ECEL1: variants seen among roughly 807,000 people sequenced by gnomAD.
The protein encoded by ECEL1 is endothelin converting enzyme like 1, also known as endothelin-converting enzyme-like 1.
ECEL1 carries 87 observed loss-of-function variants against 101.8 expected under a neutral mutation model. The ratio of observed to expected loss-of-function variants is 0.85; its 90% CI spans 0.72 to 1.02. ECEL1 has a LOEUF of 1.02. Among genes scored for constraint, ECEL1 ranks in the 50% least tolerant of loss-of-function variants. The pLI is 0.00. For missense variants in ECEL1, 1,032 were observed against 1,079.2 expected (o/e 0.96, Z 0.61); for synonymous variants, 487 against 468.7 (o/e 1.04, Z -0.50).
In ECEL1 at chr2:232,484,121, C is replaced by T. The variant is rs1487142861; in HGVS notation, c.1287G>A (p.Glu429=). The T allele has an allele frequency of 1.9e-6, 3 of 1,613,718 alleles. No individual in the cohort carries two copies. Among genetic ancestry groups the T allele is most frequent in the Admixed American group, 3.3e-5 (2 of 60,036 alleles). ...CCAGCTCCTGTGGCTTGTCGCTGCCCTCCATCTCCTGTGCCAGCTCGTGCA... is the reference window on the plus strand; with the variant it reads ...CCAGCTCCTGTGGCTTGTCGCTGCCTTCCATCTCCTGTGCCAGCTCGTGCA... ...EALHELAQEM[E]GSDKPQELAR... The change falls in exon 7 of 18, where the codon GAG becomes GAA. Residue 429 remains glutamate, a synonymous_variant. Transcript: ENST00000304546.
chr2:232,487,182 C>T (rs1559278203), intron 1 of ECEL1, among the ~76,000 whole-genome samples: 1 of 152,204 alleles, frequency 6.6e-6, no homozygotes, highest in Admixed American at 6.5e-5. Flanking sequence ...CAGCTCTCCG[C>T]GCTGGACCCA....
At chr2:232,484,350 G>A in intron 6 of ECEL1, 122 bp downstream of exon 6, 1 of 1,564,998 alleles carries the variant, frequency 6.4e-7, no homozygotes, top group Non-Finnish European at 8.7e-7. Flanking sequence ...ACAAAGAAGG[G>A]ACAGGGGGTC....
rs759003940 is a variant in ECEL1 at position 232,484,100 on chromosome 2, C to G, written c.1308G>C (p.Glu436Asp). 1 of 1,613,830 alleles carries G rather than the reference C, an allele frequency of 6.2e-7. No individual in the cohort carries two copies. The highest frequency in any genetic ancestry group is 8.5e-7 in the Non-Finnish European group (1 of 1,180,006). The change falls in exon 7 of 18, where the codon GAG (glutamate) becomes GAC (aspartate). Residue 436 changes from glutamate (E) to aspartate (D), a missense_variant. Transcript: ENST00000304546. Reference sequence around the variant, plus strand: ...CCTGGCCCAAGCAGACCCGGGCCAGCTCCTGTGGCTTGTCGCTGCCCTCCA... The same window carrying G: ...CCTGGCCCAAGCAGACCCGGGCCAGGTCCTGTGGCTTGTCGCTGCCCTCCA... ...QEMEGSDKPQ[E>D]LARVCLGQAN...
chr2:232,485,351 A>G (rs745330087), intron 2 of ECEL1, 84 bp from the exon 3 acceptor site: 11 of 1,465,874 alleles, frequency 7.5e-6, no homozygotes, highest in Non-Finnish European at 1.0e-5. Context: ...CAATGCCCAG[A>G]GAGCAACCAG....
rs766816497 is a variant in ECEL1 at position 232,486,306 on chromosome 2, C to T, written c.348G>A (p.Leu116=). The T allele has an allele frequency of 1.4e-5, 22 of 1,587,788 alleles. No individual in the cohort carries two copies. Among genetic ancestry groups the T allele is most frequent in the Non-Finnish European group, 1.9e-5 (22 of 1,174,050 alleles). ...CCTGGCATGGGTCGATGCTGGCGTC[C>T]AGGTTGGCGGCCAGGAAGCGAGCGG... ...ARAARFLAAN[L]DASIDPCQDF... The change falls in exon 2 of 18, where the codon CTG becomes CTA. Residue 116 remains leucine (L), a synonymous_variant. Transcript: ENST00000304546.
chr2:232,482,629 G>A (rs1690609891), intron 10 of ECEL1, 21 bp from the exon 11 acceptor site: 3 of 1,600,520 alleles, frequency 1.9e-6, no homozygotes, highest in Non-Finnish European at 2.6e-6. Flanking sequence ...ATGCTGGGGT[G>A]AATGGGGGGA....
intron 14 of ECEL1, 72 bp from the exon 15 acceptor site, chr2:232,481,228 G>A: frequency 6.6e-7 from 1 of 1,517,404 alleles, no homozygotes; most frequent in South Asian, 1.2e-5. Flanking sequence ...GATACCCTGG[G>A]CCCCAGCCCC....
At chr2:232,482,267 G>T in intron 12 of ECEL1, 151 bp downstream of exon 12, 2 of 983,922 alleles carry the variant, frequency 2.0e-6, no homozygotes, top group Non-Finnish European at 3.2e-6. Context: ...CAAGGATGTA[G>T]TGGGGAGCCA....
chr2:232,483,849 C>G lies in ECEL1; in HGVS notation c.1407+152G>C. 3.4e-6 allele frequency: 3 copies of G among 883,082 alleles called. No individual in the cohort carries two copies. The African/African-American group carries it at 5.0e-5, about 15-fold the overall frequency. The allele number at this position is 883,082 out of a possible 1,614,324, so 54.7% of individuals were successfully genotyped here. A position where few individuals can be genotyped will look rare whatever the true frequency, so the allele number is the denominator to read the frequency against. ...GAGGAGGAGGCCTGTGGAGGAGCAG[C>G]CTGGGGCCTCAGAATCGGCTGAGTA... is the stretch of plus-strand genomic sequence containing the variant. On this transcript the variant is annotated intron_variant, in intron 7 of 17. Transcript: ENST00000304546.
Position 232,483,119 on chromosome 2 carries a change from C to T in ECEL1, c.1567G>A (p.Asp523Asn). Reference sequence around the variant, plus strand: ...TCAGGGCCCACCTCATACTCCTTGTCCACAGCATCGGGTTTCAGCAGGAAG... The same window carrying T: ...TCAGGGCCCACCTCATACTCCTTGTTCACAGCATCGGGTTTCAGCAGGAAG... ...PDFLLKPDAVDKEYEFEVHEK... is the reference protein window; with the variant it reads ...PDFLLKPDAVNKEYEFEVHEK... The change falls in exon 9 of 18, where the codon GAC (aspartate) becomes AAC (asparagine). Residue 523 changes from aspartate (D) to asparagine (N), a missense_variant. Asp to Asn is a conservative substitution (Grantham distance 23). Transcript: ENST00000304546. 6.2e-7 allele frequency: 1 copy of T among 1,609,522 alleles called. No homozygotes were observed. Among genetic ancestry groups the T allele is most frequent in the Non-Finnish European group, 8.5e-7 (1 of 1,178,314 alleles).
Position 232,479,881 on chromosome 2 carries a change from G to C in ECEL1, c.*272C>G. On this transcript the variant is annotated 3_prime_UTR_variant, in exon 18 of 18. Coordinates refer to ENST00000304546, the MANE Select transcript of ECEL1 (RefSeq NM_004826.4). ...TGCAGCAAGAACACAGCGAAGGTGG[G>C]GCCCGTACAATCCAGCCTGGCAGAG... 1.9e-6 allele frequency: 1 copy of C among 529,092 alleles called. No homozygotes were observed. 32.8% of individuals were successfully genotyped at this position (529,092 alleles called of 1,614,324 possible).
Position 232,481,532 on chromosome 2 carries a change from C to A in ECEL1, c.1963G>T (p.Asp655Tyr). 1 of 1,613,100 alleles carries A rather than the reference C, an allele frequency of 6.2e-7. No individual in the cohort carries two copies. The highest frequency in any genetic ancestry group is 8.5e-7 in the Non-Finnish European group (1 of 1,179,720). Residue 655 changes from aspartate (D) to tyrosine (Y), a missense_variant, in exon 14 of 18, where the codon GAC (aspartate) becomes TAC (tyrosine). Asp to Tyr is a radical substitution (Grantham distance 160, BLOSUM62 -3). Transcript: ENST00000304546. ...RKAECIVRLY[D>Y]NFTVYNQRVN... ...CGCTGGTTGTAGACAGTGAAGTTGT[C>A]ATAGAGACGGACGATGCACTCAGCC...
chr2:232,484,650 G>A (rs1690673322), intron 5 of ECEL1, 54 bp from the exon 6 acceptor site: 4 of 1,608,600 alleles, frequency 2.5e-6, no homozygotes, highest in Non-Finnish European at 3.4e-6. Context: ...GGCCACAGAA[G>A]ACAGGGAGGG....
chr2:232,482,744 C>T (rs1339189652), intron 10 of ECEL1, 107 bp downstream of exon 10: 7 of 1,500,722 alleles, frequency 4.7e-6, no homozygotes, highest in East Asian at 4.5e-5. Context: ...CCTGTGCTGG[C>T]GTGTGTGCCC....
Position 232,486,541 on chromosome 2 carries a change from G to C in ECEL1, c.113C>G (p.Pro38Arg), listed in dbSNP as rs1216246091. The C allele has an allele frequency of 2.0e-5, 27 of 1,342,818 alleles. No individual in the cohort carries two copies. The highest frequency in any genetic ancestry group is 2.8e-4 in the Middle Eastern group (1 of 3,602). 83.2% of individuals were successfully genotyped at this position (1,342,818 alleles called of 1,614,324 possible). Residue 38 changes from proline to arginine, a missense_variant, in exon 2 of 18, where the codon CCG becomes CGG. Coordinates refer to ENST00000304546, the MANE Select transcript of ECEL1 (RefSeq NM_004826.4). ...GGTGGCGCTGCGCGCAGCGCCCAAC[G>C]GGAAGCCCGGGGGCAGGGAGGCCCC... ...ARGASLPPGF[P>R]LGAARSATGA...
intron 2 of ECEL1, 40 bp downstream of exon 2, chr2:232,485,828 A>G (rs550489733): frequency 6.5e-7 from 1 of 1,536,282 alleles, no homozygotes; most frequent in Admixed American, 2.0e-5. Flanking sequence ...TGCGCCCCGG[A>G]TCCGCGGCCG....
chr2:232,481,383 T>C, intron 14 of ECEL1, 123 bp downstream of exon 14: 1 of 1,475,612 alleles, frequency 6.8e-7, no homozygotes, highest in Middle Eastern at 1.9e-4. Flanking sequence ...GAACCGAATG[T>C]GTGTGCAGGG....
intron 15 of ECEL1, 82 bp downstream of exon 15, chr2:232,481,009 A>G: frequency 6.6e-7 from 1 of 1,512,164 alleles, no homozygotes; most frequent in Non-Finnish European, 9.0e-7. Context: ...GGGCAGGGAG[A>G]GGCAGCTCTG....
rs755456884 is a variant in ECEL1, at chr2:232,481,636, G to T, written c.1865-6C>A. On this transcript the variant is annotated splice_region_variant and splice_polypyrimidine_tract_variant and intron_variant, in intron 13 of 17. Transcript: ENST00000304546. ...TGAGCGGTCATACTGGCCCCCTGTGGGCAGTGCAGCAGGCTGAGACCCACC... is the reference window on the plus strand; with the variant it reads ...TGAGCGGTCATACTGGCCCCCTGTGTGCAGTGCAGCAGGCTGAGACCCACC... 8.7e-6 allele frequency: 14 copies of T among 1,613,298 alleles called. No homozygotes were observed. The Admixed American group carries it at 2.0e-4, about 23-fold the overall frequency.
Sources: allele counts gnomAD v4.1 joint callset (sites outside exome capture counted in the v4.1 genomes callset), GRCh38; gene constraint gnomAD v4.1.1; transcripts MANE v1.5; gene names NCBI Gene and HGNC (gene_info 2026-07-23, HGNC 2026-07-21).